The following ACSM3 variants were observed in gnomAD, a reference collection of about 807,000 sequenced individuals.
ACSM3 encodes acyl-CoA synthetase medium chain family member 3, also known as acyl-coenzyme A synthetase ACSM3, mitochondrial.
ACSM3 carries 61 observed loss-of-function variants against 74.1 expected under a neutral mutation model. The observed-to-expected ratio is 0.82, with a 90% CI of 0.67 to 1.02. ACSM3 has a LOEUF of 1.02. Ranked by LOEUF, ACSM3 falls within the 50% of genes least tolerant of loss-of-function variation. The pLI is 0.00. For missense variants in ACSM3, 660 were observed against 697.0 expected (o/e 0.95, Z 0.60); for synonymous variants, 213 against 241.5 (o/e 0.88, Z 1.09).
chr16:20,685,486 G>T lies in ACSM3; in HGVS notation c.-190+10664G>T, dbSNP rs926439664. On this transcript the variant is annotated intron_variant, in intron 1 of 3. Transcript: ENST00000561584. ...TAAACTAATCCACAGCCATAGTCAC[G>T]TTCCAATGTGAACACAGCTTAAGGA... 5 of 1,265,510 alleles carry T rather than the reference G, an allele frequency of 4.0e-6. No individual in the cohort carries two copies. In the African/African-American group the frequency reaches 5.9e-5, roughly 15 times the overall value. 78.4% of individuals were successfully genotyped at this position (1,265,510 alleles called of 1,614,324 possible).
At chr16:20,737,226 A>AC in intron 1 of ACSM3, 1 of 1,614,148 alleles carries the variant, frequency 6.2e-7, no homozygotes, top group Non-Finnish European at 8.5e-7. Context: ...TTCTACTACC[A>AC]CTGTGTACTG....
At chr16:20,776,913 G>A (rs910486006) in intron 3 of ACSM3, among the ~76,000 whole-genome samples, 3 of 152,194 alleles carry the variant, frequency 2.0e-5, no homozygotes, top group Non-Finnish European at 2.9e-5. Flanking sequence ...CTGATGTGGT[G>A]AAGTGTACAG....
At chr16:20,755,551 A>C (rs1165123360) in intron 2 of ACSM3, 1 of 151,908 alleles carries the variant, frequency 6.6e-6, no homozygotes, top group African/African-American at 2.4e-5. Flanking sequence ...ACTATAAAAT[A>C]TATATTTCAT....
chr16:20,707,866 G>A lies in ACSM3; in HGVS notation c.-190+33044G>A, dbSNP rs929226318. On this transcript the variant is annotated intron_variant, in intron 1 of 3. Coordinates refer to the ACSM3 transcript ENST00000561584. ...GAAACCACCAAAGAAAATTAACAAAGCCCTAGCAACCTACCACAAAAAATT... is the reference window on the plus strand; with the variant it reads ...GAAACCACCAAAGAAAATTAACAAAACCCTAGCAACCTACCACAAAAAATT... Among the ~76,000 whole-genome samples the A allele has an allele frequency of 3.9e-5, 6 of 152,110 alleles. No individual in the cohort carries two copies. In the South Asian group the frequency reaches 1.0e-3, roughly 26 times the overall value.
intron 1 of ACSM3, among the ~76,000 whole-genome samples, chr16:20,725,702 G>C (rs934092984): frequency 1.2e-4 from 18 of 152,192 alleles, no homozygotes; most frequent in Admixed American, 2.0e-4. Flanking sequence ...GCTGGGCACA[G>C]TGGCTCACAC....
intron 1 of ACSM3, among the ~76,000 whole-genome samples, chr16:20,708,860 TCAATGTACTA>T (rs1176236387): frequency 6.6e-6 from 1 of 152,356 alleles, no homozygotes; most frequent in East Asian, 1.9e-4. Context: ...CTCCCTGACT[TCAATGTACTA>T]CAATATACTG....
intron 1 of ACSM3, among the ~76,000 whole-genome samples, chr16:20,728,989 T>G (rs541198121): frequency 6.6e-6 from 1 of 152,084 alleles, no homozygotes; most frequent in Non-Finnish European, 1.5e-5. Flanking sequence ...ATGCCTGTGG[T>G]CCCAGCTATC....
At chr16:20,778,356 G>A (rs747146648) in intron 4 of ACSM3, among the ~76,000 whole-genome samples, 1 of 152,160 alleles carries the variant, frequency 6.6e-6, no homozygotes. Context: ...TCAAGGATTT[G>A]GGAGCATGCT....
At chr16:20,730,858 CATTTT>C (rs1278637796) in intron 1 of ACSM3, among the ~76,000 whole-genome samples, 1 of 152,022 alleles carries the variant, frequency 6.6e-6, no homozygotes, top group African/African-American at 2.4e-5. Context: ...TTTTTTGTTT[CATTTT>C]GTTTTGTTTT....
At position 20,756,053 on chromosome 16, in the gene ACSM3, T is replaced by C. The variant is rs1190474078; in HGVS notation, c.-52+437T>C. The stretch of plus-strand genomic sequence containing the variant: ...TGTCATTGTTGGACATTTGGATTGG[T>C]TCCAAGTCTTTGCTATTGTGAATAG... On this transcript the variant is annotated intron_variant, in intron 3 of 3. Coordinates refer to the ACSM3 transcript ENST00000561584. Among the ~76,000 whole-genome samples, 7 of 152,316 alleles carry C rather than the reference T, an allele frequency of 4.6e-5. No homozygotes were observed. In the East Asian group the frequency reaches 1.3e-3, roughly 29 times the overall value.
chr16:20,786,268 C>G, intron 9 of ACSM3, 110 bp downstream of exon 9: 1 of 1,461,008 alleles, frequency 6.8e-7, no homozygotes, highest in Middle Eastern at 1.8e-4. Flanking sequence ...TTCCATTTTA[C>G]TTCCATGATA....
chr16:20,731,345 T>C (rs1475549006), intron 1 of ACSM3, among the ~76,000 whole-genome samples: 1 of 152,198 alleles, frequency 6.6e-6, no homozygotes, highest in Non-Finnish European at 1.5e-5. Context: ...GTGAAATAAA[T>C]GGGATCACTC....
chr16:20,706,207 C>G (rs1392335206), intron 1 of ACSM3, among the ~76,000 whole-genome samples: 1 of 150,858 alleles, frequency 6.6e-6, no homozygotes, highest in Non-Finnish European at 1.5e-5. Context: ...ATTTACAGAT[C>G]CAAGAATATT....
intron 2 of ACSM3, among the ~76,000 whole-genome samples, chr16:20,771,404 C>T (rs1172640021): frequency 1.7e-5 from 2 of 114,356 alleles, no homozygotes; most frequent in Non-Finnish European, 3.5e-5. Flanking sequence ...TTTTAAGAGA[C>T]AGGGTCTTAC....
intron 4 of ACSM3, among the ~76,000 whole-genome samples, chr16:20,778,416 C>A (rs1216486514): frequency 6.6e-6 from 1 of 152,164 alleles, no homozygotes; most frequent in Non-Finnish European, 1.5e-5. Flanking sequence ...ATATTGAGTT[C>A]TTGCCAAAGG....
At chr16:20,695,340 C>T (rs1266801332) in intron 1 of ACSM3, among the ~76,000 whole-genome samples, 1 of 152,150 alleles carries the variant, frequency 6.6e-6, no homozygotes, top group Non-Finnish European at 1.5e-5. Flanking sequence ...GCACGATATC[C>T]TGCAAAAAGC....
At chr16:20,741,328 T>C (rs750800343) in intron 1 of ACSM3, among the ~76,000 whole-genome samples, 43 of 152,208 alleles carry the variant, frequency 2.8e-4, no homozygotes, top group Non-Finnish European at 5.0e-4. Flanking sequence ...ACAAAACCGA[T>C]AGCACCGAAG....
chr16:20,756,832 C>T (rs1043115186), intron 3 of ACSM3, among the ~76,000 whole-genome samples: 1 of 152,108 alleles, frequency 6.6e-6, no homozygotes, highest in African/African-American at 2.4e-5. Context: ...GGAAGGGATC[C>T]AGTTTCAGCT....
At position 20,797,058 on chromosome 16, in the gene ACSM3, A is replaced by C. The variant is rs2080737097; in HGVS notation, c.*86A>C. 1 of 1,523,082 alleles carries C rather than the reference A, an allele frequency of 6.6e-7. No homozygotes were observed. Among genetic ancestry groups the C allele is most frequent in the Admixed American group, 2.4e-5 (1 of 42,382 alleles). 94.3% of individuals were successfully genotyped at this position (1,523,082 alleles called of 1,614,324 possible). ...CCACAAGATGATGGAGAGGTCATAA[A>C]AACTGTGGTAGTATGCTTAGAAACT... On this transcript the variant is annotated 3_prime_UTR_variant, in exon 14 of 14. Coordinates refer to ENST00000289416, the MANE Select transcript of ACSM3 (RefSeq NM_005622.4).
Sources: gnomAD v4.1 joint callset for allele counts (sites outside exome capture counted in the v4.1 genomes callset) on GRCh38, gnomAD v4.1.1 for gene constraint, MANE v1.5 for transcripts, NCBI Gene and HGNC (gene_info 2026-07-23, HGNC 2026-07-21) for gene names.